Variants in SLX4IP observed in about 807,000 individuals in gnomAD.
SLX4IP encodes protein SLX4IP.
A neutral mutation model predicts 32.9 loss-of-function variants in SLX4IP; 34 were observed. That is an observed-to-expected ratio of 1.03 (90% CI 0.79 to 1.38). The LOEUF (loss-of-function observed/expected upper bound fraction) is 1.38. Among genes scored for constraint, SLX4IP ranks in the 40% most tolerant of loss-of-function variants. SLX4IP has a pLI of 0.00. For missense variants in SLX4IP, 444 were observed against 479.0 expected (o/e 0.93, Z 0.68); for synonymous variants, 172 against 171.7 (o/e 1.00, Z -0.01).
chr20:10,506,827 G>A (rs564116275), intron 2 of SLX4IP, among the ~76,000 whole-genome samples: 1 of 152,336 alleles, frequency 6.6e-6, no homozygotes, highest in African/African-American at 2.4e-5. Flanking sequence ...TGAGGCAGCA[G>A]GGGGTGTGGG....
chr20:10,560,801 C>T lies in SLX4IP; in HGVS notation c.219C>T (p.Ser73=). 2 of 1,604,676 alleles carry T rather than the reference C, an allele frequency of 1.2e-6. No homozygotes were observed. Among genetic ancestry groups the T allele is most frequent in the Non-Finnish European group, 1.7e-6 (2 of 1,176,054 alleles). The change falls in exon 4 of 8, where the codon TCC becomes TCT. Residue 73 remains serine (S), a synonymous_variant. Transcript: ENST00000334534. ...HRPSNAEFTR[S]NPLSLKGYGF... ...CATCAAATGCAGAATTCACAAGATC[C>T]AATCCCTTGTCCTTAAAAGGTAGGC...
intron 4 of SLX4IP, among the ~76,000 whole-genome samples, chr20:10,593,887 T>A (rs1310529975): frequency 6.6e-6 from 1 of 152,234 alleles, no homozygotes; most frequent in Non-Finnish European, 1.5e-5. Flanking sequence ...CCATGATCTT[T>A]GGTTGGATCC....
At chr20:10,584,323 C>T (rs1431746507) in intron 4 of SLX4IP, among the ~76,000 whole-genome samples, 1 of 152,122 alleles carries the variant, frequency 6.6e-6, no homozygotes, top group Admixed American at 6.5e-5. Context: ...TAGCTGTCTC[C>T]CCTTGCCTCT....
intron 5 of SLX4IP, 60 bp from the exon 6 acceptor site, chr20:10,601,671 A>G: frequency 7.0e-7 from 1 of 1,421,772 alleles, no homozygotes; most frequent in Admixed American, 1.7e-5. Flanking sequence ...ATCTGGAACA[A>G]CCATTCTGTG....
chr20:10,488,990 C>T (rs1406982078), intron 2 of SLX4IP, among the ~76,000 whole-genome samples: 1 of 152,108 alleles, frequency 6.6e-6, no homozygotes, highest in Non-Finnish European at 1.5e-5. Flanking sequence ...GTTTGGATGT[C>T]ATTTCATGAA....
chr20:10,522,622 C>T (rs1291355258), intron 2 of SLX4IP, among the ~76,000 whole-genome samples: 1 of 152,158 alleles, frequency 6.6e-6, no homozygotes, highest in Non-Finnish European at 1.5e-5. Flanking sequence ...AGCCAAGTGC[C>T]TTACCCTCAT....
chr20:10,451,988 A>C (rs560362681), intron 1 of SLX4IP, among the ~76,000 whole-genome samples: 1 of 152,230 alleles, frequency 6.6e-6, no homozygotes, highest in African/African-American at 2.4e-5. Flanking sequence ...AATAAAATAA[A>C]ATAGATTATT....
At chr20:10,498,397 C>A (rs1263673046) in intron 2 of SLX4IP, among the ~76,000 whole-genome samples, 1 of 152,036 alleles carries the variant, frequency 6.6e-6, no homozygotes, top group Non-Finnish European at 1.5e-5. Flanking sequence ...CATTACTCTG[C>A]AGAATGGAAC....
intron 2 of SLX4IP, among the ~76,000 whole-genome samples, chr20:10,500,481 T>C (rs1263274019): frequency 6.6e-6 from 1 of 152,186 alleles, no homozygotes; most frequent in African/African-American, 2.4e-5. Context: ...CCAGGCATGG[T>C]GGCTCATACC....
intron 2 of SLX4IP, among the ~76,000 whole-genome samples, chr20:10,499,715 G>A (rs1237535576): frequency 6.6e-6 from 1 of 152,166 alleles, no homozygotes; most frequent in African/African-American, 2.4e-5. Flanking sequence ...ACAGAGGATA[G>A]CATAGTATCC....
intron 2 of SLX4IP, 82 bp downstream of exon 2, chr20:10,458,313 G>T (rs948963201): frequency 1.8e-5 from 25 of 1,374,982 alleles, no homozygotes; most frequent in South Asian, 2.8e-5. Flanking sequence ...GAAAATCGAG[G>T]TTCCTAACTT....
At chr20:10,590,435 ACTGC>A in intron 4 of SLX4IP, among the ~76,000 whole-genome samples, 1 of 151,926 alleles carries the variant, frequency 6.6e-6, no homozygotes, top group Non-Finnish European at 1.5e-5. Context: ...ATCTCGGCTC[ACTGC>A]AACCTCTGCC....
At chr20:10,502,433 T>C (rs1220361530) in intron 2 of SLX4IP, among the ~76,000 whole-genome samples, 1 of 152,196 alleles carries the variant, frequency 6.6e-6, no homozygotes, top group Non-Finnish European at 1.5e-5. Context: ...GCCCATGCCC[T>C]CAGGCCTTCC....
intron 2 of SLX4IP, among the ~76,000 whole-genome samples, chr20:10,473,643 C>T (rs991395685): frequency 3.3e-5 from 5 of 151,680 alleles, no homozygotes; most frequent in African/African-American, 7.3e-5. Flanking sequence ...CACTGTGTCA[C>T]CCAGGCTGGA....
At chr20:10,561,191 G>A (rs879834234) in intron 4 of SLX4IP, among the ~76,000 whole-genome samples, 13 of 152,098 alleles carry the variant, frequency 8.5e-5, no homozygotes, top group African/African-American at 1.2e-4. Context: ...AGAGTAATTA[G>A]CATATCTATC....
At chr20:10,512,789 TA>T (rs1490208331) in intron 2 of SLX4IP, among the ~76,000 whole-genome samples, 111 of 13,220 alleles carry the variant, frequency 8.4e-3, no homozygotes, top group Non-Finnish European at 0.017. Context: ...TATATATATA[TA>T]TATATATATA....
intron 2 of SLX4IP, among the ~76,000 whole-genome samples, chr20:10,549,137 G>GT (rs113064876): frequency 0.028 from 4,319 of 152,282 alleles, 105 homozygotes; most frequent in Admixed American, 0.09. Context: ...GATTCTTAAT[G>GT]TTAGGAGACT....
chr20:10,517,110 T>A (rs149901046), intron 2 of SLX4IP, among the ~76,000 whole-genome samples: 1 of 152,358 alleles, frequency 6.6e-6, no homozygotes, highest in African/African-American at 2.4e-5. Flanking sequence ...AAAGCATTCC[T>A]AAGAATTTAA....
intron 2 of SLX4IP, among the ~76,000 whole-genome samples, chr20:10,514,262 T>TTGA (rs2065832886): frequency 6.6e-6 from 1 of 152,220 alleles, no homozygotes; most frequent in Non-Finnish European, 1.5e-5. Context: ...GTATTCTATT[T>TTGA]GGTGCATTTT....
Sources: gnomAD v4.1 joint callset for allele counts (sites outside exome capture counted in the v4.1 genomes callset) on GRCh38, gnomAD v4.1.1 for gene constraint, MANE v1.5 for transcripts, NCBI Gene and HGNC (gene_info 2026-07-23, HGNC 2026-07-21) for gene names.